The following ARL15 variants were observed in gnomAD, a reference collection of about 807,000 sequenced individuals.
ARL15 encodes ADP-ribosylation factor-like protein 15.
A neutral mutation model predicts 25.2 loss-of-function variants in ARL15; 19 were observed. That is an observed-to-expected ratio of 0.75 (90% CI 0.53 to 1.10). The LOEUF (loss-of-function observed/expected upper bound fraction) is 1.10, where lower values mean the gene tolerates loss of function less well. ARL15 is among the 50% of genes least tolerant of loss of function. ARL15 has a pLI of 0.00. For synonymous variants in ARL15, 94 were observed against 86.8 expected, an observed-to-expected ratio of 1.08 and a Z score of -0.46; for missense variants, 220 against 246.0, an observed-to-expected ratio of 0.89 and a Z score of 0.71.
chr5:54,309,908 C>T (rs989832522), intron 1 of ARL15, among the ~76,000 whole-genome samples: 3 of 152,144 alleles, frequency 2.0e-5, no homozygotes, highest in Non-Finnish European at 4.4e-5. Context: ...AGTTTAGACC[C>T]GTCTGCTTTA....
intron 1 of ARL15, among the ~76,000 whole-genome samples, chr5:54,181,732 G>C (rs2112430609): frequency 6.6e-6 from 1 of 152,260 alleles, no homozygotes; most frequent in South Asian, 2.1e-4. Context: ...CTAGGAGTTT[G>C]AAACCATCCT....
At chr5:54,062,363 C>T (rs976776068) in intron 4 of ARL15, among the ~76,000 whole-genome samples, 1 of 151,910 alleles carries the variant, frequency 6.6e-6, no homozygotes, top group Non-Finnish European at 1.5e-5. Flanking sequence ...AGCGGCAGAA[C>T]GATATGGTTT....
At chr5:53,904,492 TAGATA>T (rs1345895848) in intron 4 of ARL15, among the ~76,000 whole-genome samples, 4 of 152,240 alleles carry the variant, frequency 2.6e-5, no homozygotes, top group South Asian at 4.1e-4. Context: ...GGATTGGATT[TAGATA>T]AGATAACTAC....
At chr5:53,916,158 G>A (rs1175606526) in intron 4 of ARL15, among the ~76,000 whole-genome samples, 2 of 152,084 alleles carry the variant, frequency 1.3e-5, no homozygotes, top group Non-Finnish European at 2.9e-5. Context: ...CCAAAGTGCT[G>A]AGATTACAGG....
At chr5:54,102,171 C>T (rs1752458253) in intron 4 of ARL15, among the ~76,000 whole-genome samples, 1 of 151,960 alleles carries the variant, frequency 6.6e-6, no homozygotes, top group Admixed American at 6.6e-5. Context: ...CACCACCACG[C>T]CCGGCTAATT....
At chr5:53,888,854 A>G (rs1358385583) in intron 4 of ARL15, among the ~76,000 whole-genome samples, 1 of 152,132 alleles carries the variant, frequency 6.6e-6, no homozygotes, top group Non-Finnish European at 1.5e-5. Context: ...TGCTCCAAAG[A>G]GCTGAAAATC....
intron 4 of ARL15, among the ~76,000 whole-genome samples, chr5:54,018,056 T>C (rs1693797989): frequency 6.6e-6 from 1 of 152,168 alleles, no homozygotes; most frequent in South Asian, 2.1e-4. Flanking sequence ...CTAGGCTTGT[T>C]GCCTAGTGAA....
chr5:54,214,749 G>A (rs1238222691), intron 1 of ARL15, among the ~76,000 whole-genome samples: 1 of 151,982 alleles, frequency 6.6e-6, no homozygotes, highest in Non-Finnish European at 1.5e-5. Flanking sequence ...AGAAGGTTTG[G>A]GTCATATTTA....
chr5:53,922,966 C>G (rs1381398035), intron 4 of ARL15, among the ~76,000 whole-genome samples: 1 of 152,178 alleles, frequency 6.6e-6, no homozygotes, highest in African/African-American at 2.4e-5. Flanking sequence ...GTATACAGAG[C>G]ATGTTCTGAG....
intron 1 of ARL15, among the ~76,000 whole-genome samples, chr5:54,270,059 A>T (rs1757741343): frequency 6.6e-6 from 1 of 152,262 alleles, no homozygotes; most frequent in African/African-American, 2.4e-5. Flanking sequence ...CATAAATAAA[A>T]TAGGAATAGA....
chr5:54,017,853 C>A (rs973673430), intron 4 of ARL15, among the ~76,000 whole-genome samples: 1 of 152,018 alleles, frequency 6.6e-6, no homozygotes, highest in Non-Finnish European at 1.5e-5. Flanking sequence ...CTTCCTTACA[C>A]GTCAAGAAAA....
At chr5:54,000,162 TAA>T (rs1182036982) in intron 4 of ARL15, among the ~76,000 whole-genome samples, 4 of 152,142 alleles carry the variant, frequency 2.6e-5, no homozygotes, top group African/African-American at 9.7e-5. Context: ...CTAGTTTTTT[TAA>T]GTTTGGAGGA....
intron 1 of ARL15, among the ~76,000 whole-genome samples, chr5:54,260,572 G>C (rs957620304): frequency 6.6e-6 from 1 of 152,020 alleles, no homozygotes; most frequent in Non-Finnish European, 1.5e-5. Context: ...GAGACCACAG[G>C]GTTCTAGTTA....
intron 3 of ARL15, among the ~76,000 whole-genome samples, chr5:54,138,581 A>C (rs566951098): frequency 6.6e-6 from 1 of 152,194 alleles, no homozygotes; most frequent in Non-Finnish European, 1.5e-5. Flanking sequence ...AAGAAAACCT[A>C]GGAAAAACAC....
chr5:53,953,427 C>T (rs1747043183), intron 4 of ARL15, among the ~76,000 whole-genome samples: 1 of 152,180 alleles, frequency 6.6e-6, no homozygotes, highest in Non-Finnish European at 1.5e-5. Flanking sequence ...ACTTTTTATA[C>T]AGCAAAGTAG....
intron 4 of ARL15, among the ~76,000 whole-genome samples, chr5:53,988,574 G>A (rs1296542008): frequency 3.3e-5 from 5 of 152,140 alleles, no homozygotes; most frequent in Admixed American, 6.5e-5. Flanking sequence ...ATTGAATCAA[G>A]TATTGAATCA....
chr5:54,228,238 TA>T (rs1756576693), intron 1 of ARL15, among the ~76,000 whole-genome samples: 1 of 152,184 alleles, frequency 6.6e-6, no homozygotes, highest in African/African-American at 2.4e-5. Context: ...TGGTGTCCAC[TA>T]AGCCTGGCAA....
In ARL15 at chr5:54,310,505, G is replaced by C; in HGVS notation, c.-26C>G. On this transcript the variant is annotated 5_prime_UTR_variant, in exon 1 of 5. Transcript: ENST00000504924. ...CCGGCAGCCTAAAGCATCCGGAACG[G>C]CTCCGAACCCGGAAAAAAAAAGCAG... 1 of 1,587,490 alleles carries C rather than the reference G, an allele frequency of 6.3e-7. No individual in the cohort carries two copies. Among genetic ancestry groups the C allele is most frequent in the African/African-American group, 1.4e-5 (1 of 73,990 alleles).
intron 4 of ARL15, among the ~76,000 whole-genome samples, chr5:53,916,491 A>AC (rs1366238347): frequency 3.3e-5 from 5 of 151,832 alleles, no homozygotes; most frequent in Non-Finnish European, 7.4e-5. Flanking sequence ...TGCACATGTA[A>AC]CCCCCTAAAC....
Sources: gnomAD v4.1 joint callset for allele counts (sites outside exome capture counted in the v4.1 genomes callset) on GRCh38, gnomAD v4.1.1 for gene constraint, MANE v1.5 for transcripts, NCBI Gene and HGNC (gene_info 2026-07-23, HGNC 2026-07-21) for gene names.